RSAD2: variants seen among roughly 807,000 people sequenced by gnomAD.
The protein encoded by RSAD2 is radical S-adenosyl methionine domain containing 2.
In RSAD2, 38 loss-of-function variants were observed where a neutral mutation model predicts 37.7. The ratio of observed to expected loss-of-function variants is 1.01; its 90% CI spans 0.78 to 1.32. RSAD2 has a LOEUF of 1.32. RSAD2 is among the 40% of genes most tolerant of loss of function. The pLI, the probability that RSAD2 is intolerant of heterozygous loss-of-function variation, is 0.00. For synonymous variants in RSAD2, 163 were observed against 157.4 expected (o/e 1.04, Z -0.27); for missense variants, 428 against 437.5 (o/e 0.98, Z 0.19).
rs751694276 is a variant in RSAD2 at position 6,878,042 on chromosome 2, G to A, written c.242G>A (p.Arg81His). Reference protein sequence around the residue: ...TPTSVNYHFTRQCNYKCGFCF... With the variant: ...TPTSVNYHFTHQCNYKCGFCF... ...ACCAGCGTCAACTATCACTTCACTC[G>A]CCAGTGCAACTACAAATGCGGCTTC... Residue 81 changes from arginine to histidine, a missense_variant, in exon 1 of 6, where the codon CGC (arginine) becomes CAC (histidine). Transcript: ENST00000382040. 33 of 1,614,044 alleles carry A rather than the reference G, an allele frequency of 2.0e-5. No homozygotes were observed. Among genetic ancestry groups the A allele is most frequent in the East Asian group, 2.0e-4 (9 of 44,896 alleles).
intron 5 of RSAD2, 114 bp downstream of exon 5, chr2:6,893,817 G>GGA: frequency 1.4e-6 from 1 of 709,726 alleles, no homozygotes; most frequent in Non-Finnish European, 2.4e-6. Context: ...TTCTTAATTA[G>GGA]CACTTCACAG....
At chr2:6,868,398 G>T (rs1315393638) in intron 1 of RSAD2, among the ~76,000 whole-genome samples, 1 of 152,016 alleles carries the variant, frequency 6.6e-6, no homozygotes, top group Non-Finnish European at 1.5e-5. Flanking sequence ...AGAACCACAA[G>T]TTCAAAAGGA....
chr2:6,871,335 A>G (rs1663200807), intron 1 of RSAD2, among the ~76,000 whole-genome samples: 1 of 152,070 alleles, frequency 6.6e-6, no homozygotes. Context: ...TCAGGTTTTC[A>G]CCTAGTTATT....
intron 1 of RSAD2, among the ~76,000 whole-genome samples, chr2:6,881,190 C>CACATCACCACACATCACCACCATAA (rs1273438883): frequency 6.6e-6 from 1 of 152,178 alleles, no homozygotes; most frequent in Non-Finnish European, 1.5e-5. Flanking sequence ...CACCACACTT[C>CACATCACCACACATCACCACCATAA]TTAGGTAATT....
chr2:6,890,741 A>G (rs1023807466), intron 4 of RSAD2, among the ~76,000 whole-genome samples: 1 of 152,212 alleles, frequency 6.6e-6, no homozygotes, highest in African/African-American at 2.4e-5. Context: ...AATAATCTCT[A>G]TGTATAATTT....
intron 3 of RSAD2, among the ~76,000 whole-genome samples, chr2:6,888,320 A>G (rs1274371284): frequency 6.6e-6 from 1 of 152,164 alleles, no homozygotes; most frequent in African/African-American, 2.4e-5. Context: ...TTGAACTTGA[A>G]CTTTTGGTTA....
intron 1 of RSAD2, among the ~76,000 whole-genome samples, chr2:6,869,642 T>G (rs540789228): frequency 4.6e-5 from 7 of 152,288 alleles, no homozygotes; most frequent in African/African-American, 1.4e-4. Context: ...GGCAAAGGAT[T>G]GGAACATGCA....
At position 6,896,152 on chromosome 2, in the gene RSAD2, T is replaced by C. The variant is rs1663771088; in HGVS notation, c.*210T>C. ...ATGGAAAACCATTAACTTTACTTCA[T>C]TGGCTTATAACCTTGTTGTTATTGA... On this transcript the variant is annotated 3_prime_UTR_variant, in exon 6 of 6. Coordinates refer to ENST00000382040, the MANE Select transcript of RSAD2 (RefSeq NM_080657.5). The C allele has an allele frequency of 4.0e-6, 2 of 504,326 alleles. No homozygotes were observed. The highest frequency in any genetic ancestry group is 1.9e-5 in the African/African-American group (1 of 52,602). 31.2% of individuals were successfully genotyped at this position (504,326 alleles called of 1,614,324 possible). A position where few individuals can be genotyped will look rare whatever the true frequency, so the allele number is the denominator to read the frequency against.
At chr2:6,866,552 C>T in intron 1 of RSAD2, 1 of 846,956 alleles carries the variant, frequency 1.2e-6, no homozygotes, top group South Asian at 5.4e-5. Flanking sequence ...GTTTCCTGCA[C>T]TAAGGTGAAG....
chr2:6,879,860 A>T (rs1247479920), intron 1 of RSAD2, among the ~76,000 whole-genome samples: 1 of 152,194 alleles, frequency 6.6e-6, no homozygotes, highest in Non-Finnish European at 1.5e-5. Flanking sequence ...TACGACTTTC[A>T]TTCAGAAAGC....
At chr2:6,880,012 C>T (rs1050225932) in intron 1 of RSAD2, among the ~76,000 whole-genome samples, 1 of 151,984 alleles carries the variant, frequency 6.6e-6, no homozygotes, top group Admixed American at 6.5e-5. Flanking sequence ...GTACAAGGCA[C>T]AAACAAGTGA....
intron 1 of RSAD2, among the ~76,000 whole-genome samples, chr2:6,879,544 C>G (rs952540232): frequency 6.6e-6 from 1 of 152,138 alleles, no homozygotes; most frequent in Non-Finnish European, 1.5e-5. Context: ...TGTTGGTGAA[C>G]TTTCAAAGTT....
chr2:6,878,780 C>A (rs1157469431), intron 1 of RSAD2: 3 of 1,160,026 alleles, frequency 2.6e-6, no homozygotes, highest in Non-Finnish European at 3.3e-6. Context: ...CACTCCAGAT[C>A]TGTTCTGCCT....
In RSAD2 at chr2:6,878,709, A is replaced by G. The variant is rs1663338799; in HGVS notation, c.346+563A>G. 7 of 445,368 alleles carry G rather than the reference A, an allele frequency of 1.6e-5. No individual in the cohort carries two copies. In the South Asian group the frequency reaches 2.1e-4, roughly 13 times the overall value. 27.6% of individuals were successfully genotyped at this position (445,368 alleles called of 1,614,324 possible). ...AAGAATGCTTACTGAGCATCACCAC[A>G]TTAGTAACTGGCAGCGTCTTGGAGA... is the stretch of plus-strand genomic sequence containing the variant. On this transcript the variant is annotated intron_variant, in intron 1 of 5. Coordinates refer to ENST00000382040, the MANE Select transcript of RSAD2 (RefSeq NM_080657.5).
chr2:6,886,023 G>A (rs1178293418), intron 2 of RSAD2, among the ~76,000 whole-genome samples: 3 of 152,094 alleles, frequency 2.0e-5, no homozygotes, highest in South Asian at 4.2e-4. Flanking sequence ...TAATATTAGA[G>A]GATAGTTGCT....
At chr2:6,874,641 A>G (rs760195676), upstream of RSAD2, among the ~76,000 whole-genome samples, 26 of 152,202 alleles carry the variant, frequency 1.7e-4, no homozygotes, top group Non-Finnish European at 3.5e-4. Context: ...TAAGTAGTTG[A>G]TAAGGATAAC....
chr2:6,867,060 A>G (rs1663107962), intron 1 of RSAD2, among the ~76,000 whole-genome samples: 1 of 152,160 alleles, frequency 6.6e-6, no homozygotes, highest in South Asian at 2.1e-4. Flanking sequence ...TTTCACGTGT[A>G]TGTAGTATAT....
rs191395413 is a variant in RSAD2 at position 6,889,471 on chromosome 2, C to T, written c.739-705C>T. ...TATAGTGGCATCTGAGTGGTTCAGA[C>T]GATGATATTAGTGAAATTCTGTGTA... On this transcript the variant is annotated intron_variant, in intron 3 of 5. Coordinates refer to ENST00000382040, the MANE Select transcript of RSAD2 (RefSeq NM_080657.5). Among the ~76,000 whole-genome samples the T allele has an allele frequency of 7.9e-5, 12 of 152,300 alleles. No homozygotes were observed. In the East Asian group the frequency reaches 1.2e-3, roughly 15 times the overall value.
rs186289991 is a variant in RSAD2, at chr2:6,883,418, C to A, written c.394C>A (p.Arg132=). Residue 132 remains arginine (R), a synonymous_variant, in exon 2 of 6, where the codon CGG becomes AGG. Transcript: ENST00000382040. ...FSGGEPFLQD[R]GEYLGKLVRF... ...AGGTGGAGAGCCATTTCTTCAAGAC[C>A]GGGGAGAATACCTGGGCAAGTTGGT... The A allele has an allele frequency of 6.2e-7, 1 of 1,613,940 alleles. No individual in the cohort carries two copies. The highest frequency in any genetic ancestry group is 1.7e-5 in the Admixed American group (1 of 59,990).
Sources: allele counts gnomAD v4.1 joint callset (sites outside exome capture counted in the v4.1 genomes callset), GRCh38; gene constraint gnomAD v4.1.1; transcripts MANE v1.5; gene names NCBI Gene and HGNC (gene_info 2026-07-23, HGNC 2026-07-21).